SPTBN2: variants seen among roughly 807,000 people sequenced by gnomAD.
SPTBN2 encodes spectrin beta, non-erythrocytic 2, also known as spectrin beta chain, non-erythrocytic 2.
In SPTBN2, 107 loss-of-function variants were observed where a neutral mutation model predicts 284.2. That is an observed-to-expected ratio of 0.38 (90% CI 0.32 to 0.44). SPTBN2 has a LOEUF of 0.44. Among genes scored for constraint, SPTBN2 ranks in the 20% least tolerant of loss-of-function variants. SPTBN2 has a pLI of 1.00. For missense variants in SPTBN2, 2,569 were observed against 3,287.1 expected, an observed-to-expected ratio of 0.78 and a Z score of 5.34; for synonymous variants, 1,289 against 1,354.8, an observed-to-expected ratio of 0.95 and a Z score of 1.07.
chr11:66,700,783 G>C lies in SPTBN2; in HGVS notation c.3316C>G (p.Gln1106Glu). ...ACCTCTCCCCGCAGGGCTGCATGTT[G>C]GGCCAGGAGGGCCTCTGCCTCAGGC... ...TLPEAEALLA[Q>E]HAALRGEVER... The change falls in exon 17 of 38, where the codon CAA (glutamine) becomes GAA (glutamate). Residue 1106 changes from glutamine to glutamate, a missense_variant. By Grantham distance (29) the Gln-to-Glu change is conservative. Around this residue, in one of 6 missense-constraint regions of SPTBN2, gnomAD observed 1,012 missense variants for 1,248.9 expected, o/e 0.81. Coordinates refer to ENST00000533211, the MANE Select transcript of SPTBN2 (RefSeq NM_006946.4). This position sits in a 1 kb window ranked among gnomAD's most constrained non-coding sequence, Gnocchi z 6.6. 6.2e-7 allele frequency: 1 copy of C among 1,601,458 alleles called. No individual in the cohort carries two copies. The highest frequency in any genetic ancestry group is 8.5e-7 in the Non-Finnish European group (1 of 1,179,794).
chr11:66,686,563 G>A, intron 36 of SPTBN2, 123 bp from the exon 37 acceptor site: 2 of 1,037,456 alleles, frequency 1.9e-6, no homozygotes, highest in Non-Finnish European at 3.0e-6. Flanking sequence ...CTCAGAGCCG[G>A]ACCAGACACG....
chr11:66,715,073 TG>T lies in SPTBN2; in HGVS notation c.483+148del. The T allele has an allele frequency of 2.0e-6, 2 of 1,005,968 alleles. No homozygotes were observed. The highest frequency in any genetic ancestry group is 3.0e-6 in the Non-Finnish European group (2 of 668,762). The allele number at this position is 1,005,968 out of a possible 1,614,324, so 62.3% of individuals were successfully genotyped here. ...GCTGAAAGAGGGGAGTCCACTGATCTGGTGCTTGGATAGCGCCGCCATGGCA... is the reference window on the plus strand; with the variant it reads ...GCTGAAAGAGGGGAGTCCACTGATCTGTGCTTGGATAGCGCCGCCATGGCA... On this transcript the variant is annotated intron_variant, in intron 5 of 37. Coordinates refer to ENST00000533211, the MANE Select transcript of SPTBN2 (RefSeq NM_006946.4). The surrounding 1 kb of genome is among the most constrained non-coding windows in gnomAD (Gnocchi z 5.3).
At chr11:66,720,884 G>T (rs955709000) in intron 3 of SPTBN2, among the ~76,000 whole-genome samples, 200 bp downstream of exon 3, 1 of 152,088 alleles carries the variant, frequency 6.6e-6, no homozygotes, top group Admixed American at 6.5e-5. Context: ...CTATGCTTGG[G>T]GGGAAGAGCT....
At position 66,699,062 on chromosome 11, in the gene SPTBN2, G is replaced by A. The variant is rs1941098116; in HGVS notation, c.3797C>T (p.Ala1266Val). 1 of 1,614,106 alleles carries A rather than the reference G, an allele frequency of 6.2e-7. No individual in the cohort carries two copies. Among genetic ancestry groups the A allele is most frequent in the Non-Finnish European group, 8.5e-7 (1 of 1,180,040 alleles). Residue 1266 changes from alanine to valine, a missense_variant, in exon 19 of 38, where the codon GCA (alanine) becomes GTA (valine). Ala to Val is a moderately conservative substitution (Grantham distance 64). Around this residue, in one of 6 missense-constraint regions of SPTBN2, gnomAD observed 1,012 missense variants for 1,248.9 expected, o/e 0.81. Coordinates refer to ENST00000533211, the MANE Select transcript of SPTBN2 (RefSeq NM_006946.4). The part of the protein sequence containing the change: ...IERRHKKNQD[A>V]AQQFLGRLRD... ...AAGACGGCCCAGAAATTGCTGCGCT[G>A]CGTCTTGATTCTTCTTGTGCCTGGA...
chr11:66,705,817 G>A lies in SPTBN2; in HGVS notation c.1674C>T (p.Asp558=), dbSNP rs1420058179. 3.7e-6 allele frequency: 6 copies of A among 1,612,278 alleles called. No homozygotes were observed. Among genetic ancestry groups the A allele is most frequent in the Non-Finnish European group, 4.2e-6 (5 of 1,179,860 alleles). The change falls in exon 14 of 38, where the codon GAC becomes GAT. Residue 558 remains aspartate (D), a synonymous_variant. Coordinates refer to ENST00000533211, the MANE Select transcript of SPTBN2 (RefSeq NM_006946.4). ...CCACTCCTGCTAGGTGCCTGCCCAG[G>A]TCCTGAGACTGCAGCCGGCCCTGCC... The part of the protein sequence containing the change: ...EEMKGRLQSQ[D]LGRHLAGVED...
Position 66,721,155 on chromosome 11 carries a change from G to A in SPTBN2, c.86C>T (p.Pro29Leu), listed in dbSNP as rs1257151945. The A allele has an allele frequency of 5.6e-6, 9 of 1,614,192 alleles. No homozygotes were observed. The highest frequency in any genetic ancestry group is 7.6e-6 in the Non-Finnish European group (9 of 1,180,044). ...GCTGTCATTGTCCCAGTCCGAGTCAGGAAGGTCCCAGCGGTTGTTGATGTC... is the reference window on the plus strand; with the variant it reads ...GCTGTCATTGTCCCAGTCCGAGTCAAGAAGGTCCCAGCGGTTGTTGATGTC... Reference protein sequence around the residue: ...YSDINNRWDLPDSDWDNDSSS... With the variant: ...YSDINNRWDLLDSDWDNDSSS... Residue 29 changes from proline (P) to leucine (L), a missense_variant, in exon 3 of 38, where the codon CCT becomes CTT. By Grantham distance (98) the Pro-to-Leu change is moderately conservative. Transcript: ENST00000533211.
chr11:66,709,804 T>C (rs566097364), intron 10 of SPTBN2, among the ~76,000 whole-genome samples: 1 of 152,360 alleles, frequency 6.6e-6, no homozygotes, highest in South Asian at 2.1e-4. Flanking sequence ...TGGCAGGTAC[T>C]GAACAGAATT....
At chr11:66,713,885 T>A in intron 7 of SPTBN2, 139 bp from the exon 8 acceptor site, 3 of 864,542 alleles carry the variant, frequency 3.5e-6, no homozygotes, top group Non-Finnish European at 5.7e-6. Context: ...ACACTGCTGC[T>A]CACAGCCCCT....
At chr11:66,694,488 G>T in intron 21 of SPTBN2, 125 bp from the exon 22 acceptor site, 1 of 963,518 alleles carries the variant, frequency 1.0e-6, no homozygotes, top group Non-Finnish European at 1.5e-6. Flanking sequence ...CCCAGGGAGA[G>T]CATCCCCTCA....
upstream of SPTBN2, among the ~76,000 whole-genome samples, chr11:66,732,505 C>T (rs1590997248): frequency 6.6e-6 from 1 of 152,076 alleles, no homozygotes; most frequent in Non-Finnish European, 1.5e-5. Context: ...AAAAAATTAG[C>T]TGGGCGTGGT....
intron 1 of SPTBN2, among the ~76,000 whole-genome samples, chr11:66,740,065 T>C (rs1942885812): frequency 6.6e-6 from 1 of 152,140 alleles, no homozygotes; most frequent in South Asian, 2.1e-4. Flanking sequence ...AGAACCACTT[T>C]GTGATGTAGA....
intron 8 of SPTBN2, 130 bp downstream of exon 8, chr11:66,713,501 C>G: frequency 1.3e-6 from 1 of 774,088 alleles, no homozygotes; most frequent in East Asian, 2.4e-5. Context: ...ACATTCTCTT[C>G]CCCCACCAAA....
In SPTBN2 at chr11:66,686,070, G is replaced by A. The variant is rs1253594852; in HGVS notation, c.6974C>T (p.Ala2325Val). 6.2e-7 allele frequency: 1 copy of A among 1,613,796 alleles called. No homozygotes were observed. Among genetic ancestry groups the A allele is most frequent in the South Asian group, 1.1e-5 (1 of 91,078 alleles). The change falls in exon 38 of 38, where the codon GCA becomes GTA. Residue 2325 changes from alanine to valine, a missense_variant. Around this residue, in one of 6 missense-constraint regions of SPTBN2, gnomAD observed 1,130 missense variants for 1,317.3 expected, o/e 0.86. Transcript: ENST00000533211. ...GGCAGAAGACGCTGTGGCAATGGCTGCATTCACCACCCGTAGCCACGAGCT... is the reference window on the plus strand; with the variant it reads ...GGCAGAAGACGCTGTGGCAATGGCTACATTCACCACCCGTAGCCACGAGCT... ...EMSSWLRVVN[A>V]AIATASSASG...
At chr11:66,714,209 A>C in intron 6 of SPTBN2, 38 bp from the exon 7 acceptor site, 1 of 1,611,738 alleles carries the variant, frequency 6.2e-7, no homozygotes, top group Admixed American at 1.7e-5. Context: ...AGTAGGGCTG[A>C]GCTCTGTTCT....
Position 66,685,810 on chromosome 11 carries a change from C to T in SPTBN2, c.*61G>A, listed in dbSNP as rs566929715. The stretch of plus-strand genomic sequence containing the variant: ...GTCCTGACAAGAGGGCGGTCCCTGT[C>T]GACTGTCCCTGGCAGTTTCCTGAAC... On this transcript the variant is annotated 3_prime_UTR_variant, in exon 38 of 38. Coordinates refer to ENST00000533211, the MANE Select transcript of SPTBN2 (RefSeq NM_006946.4). The surrounding 1 kb of genome is among the most constrained non-coding windows in gnomAD (Gnocchi z 4.4). The T allele has an allele frequency of 1.6e-4, 251 of 1,536,532 alleles. No individual in the cohort carries two copies. The South Asian group carries it at 1.7e-3, about 11-fold the overall frequency.
chr11:66,717,746 C>A (rs1343961929), intron 3 of SPTBN2, among the ~76,000 whole-genome samples: 1 of 152,158 alleles, frequency 6.6e-6, no homozygotes, highest in African/African-American at 2.4e-5. Flanking sequence ...TTAGTGGCAA[C>A]TAGGAGGAAA....
intron 20 of SPTBN2, 138 bp from the exon 21 acceptor site, chr11:66,696,678 C>T: frequency 1.7e-6 from 2 of 1,195,486 alleles, no homozygotes; most frequent in South Asian, 1.3e-5. Flanking sequence ...TTCTTATCGA[C>T]ACACTCTTCA....
In SPTBN2 at chr11:66,693,497, C is replaced by T. The variant is rs767527697; in HGVS notation, c.4594-51G>A. The T allele has an allele frequency of 1.2e-5, 19 of 1,563,598 alleles. No homozygotes were observed. Among genetic ancestry groups the T allele is most frequent in the Middle Eastern group, 4.0e-4 (2 of 4,958 alleles). On this transcript the variant is annotated intron_variant, in intron 23 of 37. Transcript: ENST00000533211. The surrounding 1 kb of genome is among the most constrained non-coding windows in gnomAD (Gnocchi z 5.7). ...TGCTGAAAGTCCTGCCCCAGCCCCA[C>T]GTGCTCCCGGAGACCACCCTTCACC... is the stretch of plus-strand genomic sequence containing the variant.
At chr11:66,699,633 C>T in intron 17 of SPTBN2, 25 bp from the exon 18 acceptor site, 1 of 1,612,606 alleles carries the variant, frequency 6.2e-7, no homozygotes, top group South Asian at 1.1e-5. Flanking sequence ...TGACATTCAG[C>T]TCATTTTCCC....
Sources: allele counts gnomAD v4.1 joint callset (sites outside exome capture counted in the v4.1 genomes callset), GRCh38; gene constraint gnomAD v4.1.1; regional missense constraint gnomAD v4.1.1; non-coding constraint Gnocchi (gnomAD v3.1); transcripts MANE v1.5; gene names NCBI Gene and HGNC (gene_info 2026-07-23, HGNC 2026-07-21).